The following BMPR1B variants were observed in gnomAD, a reference collection of about 807,000 sequenced individuals.
BMPR1B encodes bone morphogenetic protein receptor type-1B.
Under a neutral mutation model 59.1 loss-of-function variants are expected in BMPR1B, and 12 were observed. The ratio of observed to expected loss-of-function variants is 0.20; its 90% CI spans 0.13 to 0.33. The LOEUF (loss-of-function observed/expected upper bound fraction) is 0.33, where lower values mean the gene tolerates loss of function less well. Among genes scored for constraint, BMPR1B ranks in the 10% least tolerant of loss-of-function variants. The probability of loss-of-function intolerance (pLI) is 1.00; values close to 1 mark genes in which losing one functional copy is unlikely to be tolerated. For missense variants in BMPR1B, 550 were observed against 610.9 expected, an observed-to-expected ratio of 0.90 and a Z score of 1.05; for synonymous variants, 237 against 207.3, an observed-to-expected ratio of 1.14 and a Z score of -1.23.
At chr4:94,897,816 CTTAAT>C (rs1199219525) in intron 2 of BMPR1B, among the ~76,000 whole-genome samples, 2 of 151,182 alleles carry the variant, frequency 1.3e-5, no homozygotes, top group Middle Eastern at 3.4e-3. Flanking sequence ...AGAGGAACAT[CTTAAT>C]TTATAAGATT....
intron 2 of BMPR1B, among the ~76,000 whole-genome samples, chr4:94,917,311 A>G (rs1281163687): frequency 6.6e-6 from 1 of 152,180 alleles, no homozygotes; most frequent in African/African-American, 2.4e-5. Flanking sequence ...TGGTAGATCC[A>G]CTGGCAGCTT....
chr4:94,957,215 G>A (rs541320460), intron 2 of BMPR1B, among the ~76,000 whole-genome samples: 7 of 152,154 alleles, frequency 4.6e-5, no homozygotes, highest in East Asian at 1.9e-4. Flanking sequence ...TGTGAAACTC[G>A]ATGCCTCACC....
intron 1 of BMPR1B, among the ~76,000 whole-genome samples, chr4:94,796,850 A>G (rs1413417363): frequency 1.3e-5 from 2 of 152,154 alleles, no homozygotes; most frequent in East Asian, 3.8e-4. Context: ...TGTATTTTTG[A>G]TTTATCTTTG....
intron 4 of BMPR1B, among the ~76,000 whole-genome samples, chr4:95,110,030 C>T (rs1361238942): frequency 4.6e-5 from 7 of 151,848 alleles, no homozygotes; most frequent in African/African-American, 1.7e-4. Flanking sequence ...TTGTACCTCT[C>T]ATTAGTCATC....
intron 3 of BMPR1B, among the ~76,000 whole-genome samples, chr4:95,022,285 C>T (rs546601147): frequency 3.3e-5 from 5 of 152,318 alleles, no homozygotes; most frequent in African/African-American, 4.8e-5. Flanking sequence ...TAAGTTTTAG[C>T]AGTGGCTGTT....
chr4:94,982,710 C>T (rs992773216), intron 2 of BMPR1B, among the ~76,000 whole-genome samples: 4 of 152,088 alleles, frequency 2.6e-5, no homozygotes, highest in African/African-American at 9.7e-5. Context: ...AAAAATTTGT[C>T]AGCCGGGTGC....
At chr4:94,863,041 T>A (rs1388288664) in intron 1 of BMPR1B, among the ~76,000 whole-genome samples, 4 of 142,322 alleles carry the variant, frequency 2.8e-5, no homozygotes. Flanking sequence ...TCGCTTGACC[T>A]GGAGGCAGAG....
chr4:94,878,528 GCTC>G (rs1279222946), intron 2 of BMPR1B, among the ~76,000 whole-genome samples: 1 of 152,124 alleles, frequency 6.6e-6, no homozygotes, highest in Non-Finnish European at 1.5e-5. Flanking sequence ...GGTAAACTAG[GCTC>G]CTCCTCATTG....
chr4:95,054,018 C>G (rs1213894532), intron 3 of BMPR1B, among the ~76,000 whole-genome samples: 2 of 152,098 alleles, frequency 1.3e-5, no homozygotes, highest in African/African-American at 4.8e-5. Context: ...ATGATGTGTT[C>G]ATGACTTTCA....
At chr4:94,865,584 G>C (rs60667124) in intron 1 of BMPR1B, among the ~76,000 whole-genome samples, 5,739 of 151,114 alleles carry the variant, frequency 0.038, 354 homozygotes, top group African/African-American at 0.13. Context: ...GTAGAGATGG[G>C]GTTTCACTAT....
intron 3 of BMPR1B, among the ~76,000 whole-genome samples, chr4:95,086,655 C>T (rs1729596310): frequency 6.6e-6 from 1 of 152,184 alleles, no homozygotes; most frequent in Non-Finnish European, 1.5e-5. Context: ...TTGAACAATA[C>T]TGCTAAGGAA....
chr4:94,774,422 A>G (rs1722293956), intron 1 of BMPR1B, among the ~76,000 whole-genome samples: 1 of 152,092 alleles, frequency 6.6e-6, no homozygotes, highest in South Asian at 2.1e-4. Flanking sequence ...GTTCATGATG[A>G]TAAAATCTTT....
intron 2 of BMPR1B, among the ~76,000 whole-genome samples, chr4:94,897,876 A>G (rs758444122): frequency 1.3e-4 from 19 of 151,782 alleles, no homozygotes; most frequent in Non-Finnish European, 2.2e-4. Context: ...TCTTAGCAAC[A>G]AAATTACTGA....
At chr4:94,814,077 A>C (rs1560497447) in intron 1 of BMPR1B, among the ~76,000 whole-genome samples, 1 of 152,212 alleles carries the variant, frequency 6.6e-6, no homozygotes, top group East Asian at 1.9e-4. Flanking sequence ...ATTATATTTG[A>C]GAAAAATAGG....
intron 3 of BMPR1B, among the ~76,000 whole-genome samples, chr4:95,007,833 C>T (rs1160463345): frequency 1.3e-5 from 2 of 152,038 alleles, no homozygotes; most frequent in Non-Finnish European, 2.9e-5. Flanking sequence ...GAAATAAATA[C>T]CTAATGTGTT....
intron 3 of BMPR1B, among the ~76,000 whole-genome samples, chr4:95,050,739 TTAA>T (rs1476236556): frequency 1.3e-5 from 2 of 152,350 alleles, no homozygotes; most frequent in Middle Eastern, 3.4e-3. Context: ...CTGATGGGAT[TTAA>T]TAATGACGTC....
intron 3 of BMPR1B, among the ~76,000 whole-genome samples, chr4:95,055,398 G>C (rs2149195573): frequency 6.6e-6 from 1 of 152,218 alleles, no homozygotes; most frequent in African/African-American, 2.4e-5. Flanking sequence ...TGCGGCATCA[G>C]TTTTTGGTAA....
intron 3 of BMPR1B, among the ~76,000 whole-genome samples, chr4:95,001,673 A>G (rs1417805305): frequency 6.6e-6 from 1 of 152,208 alleles, no homozygotes; most frequent in Non-Finnish European, 1.5e-5. Flanking sequence ...TATTTGTTCT[A>G]ATTTACACCT....
chr4:94,774,186 A>G (rs1247806026), intron 1 of BMPR1B, among the ~76,000 whole-genome samples: 2 of 152,052 alleles, frequency 1.3e-5, no homozygotes, highest in Non-Finnish European at 2.9e-5. Context: ...AGTATTTGCT[A>G]ACTGGAAAAT....
Sources: gnomAD v4.1 joint callset for allele counts (sites outside exome capture counted in the v4.1 genomes callset) on GRCh38, gnomAD v4.1.1 for gene constraint, MANE v1.5 for transcripts, NCBI Gene and HGNC (gene_info 2026-07-23, HGNC 2026-07-21) for gene names.